MAP3K20: variants seen among roughly 807,000 people sequenced by gnomAD.
The protein encoded by MAP3K20 is HCCS-4.
A neutral mutation model predicts 85.7 loss-of-function variants in MAP3K20; 40 were observed. The ratio of observed to expected loss-of-function variants is 0.47; its 90% CI spans 0.36 to 0.61. The LOEUF is 0.61. MAP3K20 is among the 20% of genes least tolerant of loss of function. The probability of loss-of-function intolerance (pLI) is 0.00; values close to 1 mark genes in which losing one functional copy is unlikely to be tolerated. For synonymous variants in MAP3K20, 325 were observed against 327.7 expected, an observed-to-expected ratio of 0.99 and a Z score of 0.09; for missense variants, 817 against 961.7, an observed-to-expected ratio of 0.85 and a Z score of 1.99.
rs1277060489 is a variant in MAP3K20, at chr2:173,263,825, A to G, written c.1632A>G (p.Lys544=). The change falls in exon 19 of 20, where the codon AAA becomes AAG. Residue 544 remains lysine, a synonymous_variant. Coordinates refer to ENST00000375213, the MANE Select transcript of MAP3K20 (RefSeq NM_016653.3). ...WSRTKPQDEV[K]AVQLAIQTLF... ...GAACAAAACCTCAGGATGAAGTGAAAGCAGTCCAACTTGCCATTCAGACAT... is the reference window on the plus strand; with the variant it reads ...GAACAAAACCTCAGGATGAAGTGAAGGCAGTCCAACTTGCCATTCAGACAT... 2.5e-6 allele frequency: 4 copies of G among 1,613,610 alleles called. No homozygotes were observed. The highest frequency in any genetic ancestry group is 1.7e-6 in the Non-Finnish European group (2 of 1,179,950).
chr2:173,091,148 C>A lies in MAP3K20; in HGVS notation c.117C>A (p.Asp39Glu). 6.2e-7 allele frequency: 1 copy of A among 1,613,628 alleles called. No individual in the cohort carries two copies. The highest frequency in any genetic ancestry group is 1.1e-5 in the South Asian group (1 of 91,032). The stretch of plus-strand genomic sequence containing the variant: ...ATCGAGCCAAATGGATATCACAGGA[C>A]AAGGAGGTGGCTGTAAAGAAGCTCC... ...SVYRAKWISQ[D>E]KEVAVKKLLK... Residue 39 changes from aspartate (D) to glutamate (E), a missense_variant, in exon 2 of 20, where the codon GAC becomes GAA. This residue lies in a region of MAP3K20 where 200 missense variants were observed against 302.7 expected (regional missense o/e 0.66). Coordinates refer to ENST00000375213, the MANE Select transcript of MAP3K20 (RefSeq NM_016653.3).
intron 2 of MAP3K20, among the ~76,000 whole-genome samples, chr2:173,121,093 T>G (rs1007837853): frequency 3.3e-5 from 5 of 152,314 alleles, no homozygotes; most frequent in African/African-American, 1.2e-4. Context: ...CAAGGCATAT[T>G]CTTACTTCAT....
intron 16 of MAP3K20, among the ~76,000 whole-genome samples, chr2:173,250,898 T>C (rs1453075627): frequency 6.6e-6 from 1 of 152,146 alleles, no homozygotes; most frequent in Admixed American, 6.5e-5. Flanking sequence ...AAATTAACCA[T>C]ACTTGTATTA....
intron 1 of MAP3K20, 77 bp downstream of exon 1, chr2:173,076,079 G>A (rs1337814602): frequency 2.1e-6 from 2 of 951,642 alleles, no homozygotes; most frequent in Non-Finnish European, 2.5e-6. Flanking sequence ...TCGTCCCTGC[G>A]TCTCGGGGCC....
chr2:173,123,898 A>G (rs1008244709), intron 2 of MAP3K20, among the ~76,000 whole-genome samples: 3 of 152,160 alleles, frequency 2.0e-5, no homozygotes, highest in African/African-American at 4.8e-5. Context: ...AAACACCTCA[A>G]CTTATTTTCT....
intron 11 of MAP3K20, chr2:173,222,182 G>A: frequency 1.0e-6 from 1 of 978,164 alleles, no homozygotes; most frequent in Non-Finnish European, 1.2e-6. Context: ...CTCTAGCCTG[G>A]GCAAGAGAAC....
At chr2:173,094,148 A>C (rs75832734) in intron 2 of MAP3K20, among the ~76,000 whole-genome samples, 1 of 149,246 alleles carries the variant, frequency 6.7e-6, no homozygotes, top group Non-Finnish European at 1.5e-5. Flanking sequence ...ATAAAAAAAA[A>C]TTTTTTTAAA....
chr2:173,229,844 T>C lies in MAP3K20; in HGVS notation c.1032+111T>C, dbSNP rs1291240928. 2.0e-5 allele frequency: 25 copies of C among 1,231,684 alleles called. No individual in the cohort carries two copies. In the East Asian group the frequency reaches 3.8e-4, roughly 19 times the overall value. 76.3% of individuals were successfully genotyped at this position (1,231,684 alleles called of 1,614,324 possible). ...CTTAGGAAAGTCTAACTAGGAGAGG[T>C]TGACAAATTCTTTTCTCACTCTGTC... On this transcript the variant is annotated intron_variant, in intron 12 of 19. Transcript: ENST00000375213.
In MAP3K20 at chr2:173,209,774, T is replaced by G; in HGVS notation, c.790T>G (p.Ser264Ala). The change falls in exon 10 of 20, where the codon TCA (serine) becomes GCA (alanine). Residue 264 changes from serine (S) to alanine (A), a missense_variant. Ser to Ala is a moderately conservative substitution (Grantham distance 99). Coordinates refer to ENST00000375213, the MANE Select transcript of MAP3K20 (RefSeq NM_016653.3). ...KQIISILESM[S>A]NDTSLPDKCN... ...AATCATTTCAATCCTGGAGTCCATG[T>G]CAAATGACACGAGCCTTCCTGACAA... 6.2e-7 allele frequency: 1 copy of G among 1,613,794 alleles called. No individual in the cohort carries two copies. Among genetic ancestry groups the G allele is most frequent in the Non-Finnish European group, 8.5e-7 (1 of 1,179,902 alleles).
At chr2:173,134,550 G>A (rs1056048715) in intron 2 of MAP3K20, among the ~76,000 whole-genome samples, 5 of 147,038 alleles carry the variant, frequency 3.4e-5, no homozygotes, top group South Asian at 2.2e-4. Flanking sequence ...GATTACAGGC[G>A]TGAGCCACTG....
intron 2 of MAP3K20, among the ~76,000 whole-genome samples, chr2:173,165,737 T>TCA (rs1689799813): frequency 6.6e-6 from 1 of 152,216 alleles, no homozygotes; most frequent in African/African-American, 2.4e-5. Flanking sequence ...AGTGGCACAG[T>TCA]CACAACTCAC....
At chr2:173,196,852 T>TC (rs1423051783) in intron 7 of MAP3K20, among the ~76,000 whole-genome samples, 1 of 152,154 alleles carries the variant, frequency 6.6e-6, no homozygotes, top group East Asian at 1.9e-4. Flanking sequence ...ACTGTCACTT[T>TC]CCCTTCACTC....
chr2:173,087,680 G>T (rs193160046), intron 1 of MAP3K20, among the ~76,000 whole-genome samples: 36 of 152,282 alleles, frequency 2.4e-4, no homozygotes, highest in Admixed American at 1.8e-3. Flanking sequence ...CTGCTCAGTA[G>T]CCACATTAGA....
chr2:173,227,875 C>T (rs990026780), intron 11 of MAP3K20, among the ~76,000 whole-genome samples: 1 of 152,158 alleles, frequency 6.6e-6, no homozygotes, highest in African/African-American at 2.4e-5. Context: ...TCGTATTTCA[C>T]ATTTGCTTCT....
At chr2:173,102,036 AC>A (rs1553563650) in intron 2 of MAP3K20, among the ~76,000 whole-genome samples, 1 of 152,214 alleles carries the variant, frequency 6.6e-6, no homozygotes, top group Non-Finnish European at 1.5e-5. Context: ...GGGGCCATAT[AC>A]AACAAATCTT....
upstream of MAP3K20, chr2:173,075,687 C>T (rs1686825703): frequency 5.2e-6 from 5 of 967,998 alleles, no homozygotes; most frequent in Middle Eastern, 5.3e-4. Context: ...CTGGGGGCCT[C>T]GGCGGGTGCC....
intron 2 of MAP3K20, among the ~76,000 whole-genome samples, chr2:173,109,565 C>T (rs75407524): frequency 0.022 from 3,283 of 151,536 alleles, 54 homozygotes; most frequent in Admixed American, 0.042. Context: ...AAGAAGAAAT[C>T]TTCCTTTTTA....
At chr2:173,207,180 T>A (rs1324718110) in intron 9 of MAP3K20, among the ~76,000 whole-genome samples, 1 of 152,050 alleles carries the variant, frequency 6.6e-6, no homozygotes, top group African/African-American at 2.4e-5. Flanking sequence ...GGTCCTAAAA[T>A]GACATTTCTA....
chr2:173,212,357 G>C (rs977037133), intron 10 of MAP3K20: 1 of 152,058 alleles, frequency 6.6e-6, no homozygotes, highest in Non-Finnish European at 1.5e-5. Context: ...TATTATGACA[G>C]AGAAATATAC....
Sources: gnomAD v4.1 joint callset for allele counts (sites outside exome capture counted in the v4.1 genomes callset) on GRCh38, gnomAD v4.1.1 for gene constraint, gnomAD v4.1.1 regional missense constraint, MANE v1.5 for transcripts, NCBI Gene and HGNC (gene_info 2026-07-23, HGNC 2026-07-21) for gene names.